SLC25A21: variants seen among roughly 807,000 people sequenced by gnomAD.
The protein encoded by SLC25A21 is mitochondrial 2-oxodicarboxylate carrier.
A neutral mutation model predicts 43.8 loss-of-function variants in SLC25A21; 47 were observed. The observed-to-expected ratio is 1.07, with a 90% CI of 0.85 to 1.37. The LOEUF is 1.37. Ranked by LOEUF, SLC25A21 falls within the 40% of genes most tolerant of loss-of-function variation. The pLI is 0.00. For synonymous variants in SLC25A21, 131 were observed against 121.3 expected (o/e 1.08, Z -0.52); for missense variants, 352 against 350.2 (o/e 1.00, Z -0.04).
chr14:37,044,894 T>C (rs1961554480), intron 1 of SLC25A21, among the ~76,000 whole-genome samples: 1 of 152,256 alleles, frequency 6.6e-6, no homozygotes, highest in Admixed American at 6.5e-5. Flanking sequence ...ACAAAATTGC[T>C]CTAGATCAAT....
intron 2 of SLC25A21, among the ~76,000 whole-genome samples, chr14:36,835,702 G>T (rs2138488341): frequency 6.6e-6 from 1 of 152,296 alleles, no homozygotes; most frequent in South Asian, 2.1e-4. Context: ...AATATAACAT[G>T]TTCAGAGAGA....
chr14:36,921,935 A>G (rs1891990187), intron 1 of SLC25A21, among the ~76,000 whole-genome samples: 1 of 151,908 alleles, frequency 6.6e-6, no homozygotes, highest in South Asian at 2.1e-4. Context: ...ACCTGAGGTC[A>G]GGAGTTCGAG....
intron 1 of SLC25A21, among the ~76,000 whole-genome samples, chr14:37,121,692 G>T (rs1351326488): frequency 6.6e-6 from 1 of 152,074 alleles, no homozygotes; most frequent in African/African-American, 2.4e-5. Context: ...GGAGGCTGAG[G>T]CAGGAAAAAT....
chr14:36,779,759 G>T (rs1886984328), intron 3 of SLC25A21, among the ~76,000 whole-genome samples: 2 of 150,908 alleles, frequency 1.3e-5, no homozygotes, highest in Admixed American at 6.6e-5. Context: ...CAATGAACAT[G>T]GAAGTACAGA....
At chr14:36,987,590 C>T (rs946029442) in intron 1 of SLC25A21, among the ~76,000 whole-genome samples, 1 of 152,090 alleles carries the variant, frequency 6.6e-6, no homozygotes, top group African/African-American at 2.4e-5. Context: ...TATTTCCTCA[C>T]CTCATTAAAA....
rs1566931775 is a variant in SLC25A21, at chr14:37,172,529, G to C, written c.-179C>G. On this transcript the variant is annotated 5_prime_UTR_variant, in exon 1 of 10. The change creates a new upstream start codon in the 5' untranslated region. Transcript: ENST00000331299. ...GGTTCGAGGCGCAGATTCGTCGCGC[G>C]ATCTCCGGCGCGTCGGAACCTGTTC... 6.7e-6 allele frequency: 5 copies of C among 742,756 alleles called. No individual in the cohort carries two copies. The highest frequency in any genetic ancestry group is 1.2e-5 in the Non-Finnish European group (5 of 416,584). The allele number at this position is 742,756 out of a possible 1,614,324, so 46.0% of individuals were successfully genotyped here.
At chr14:37,104,959 T>C (rs1206333794) in intron 1 of SLC25A21, among the ~76,000 whole-genome samples, 1 of 152,210 alleles carries the variant, frequency 6.6e-6, no homozygotes, top group Non-Finnish European at 1.5e-5. Context: ...AATATATATA[T>C]TCATGAACAA....
At chr14:37,044,541 AT>A (rs1413040864) in intron 1 of SLC25A21, among the ~76,000 whole-genome samples, 1 of 152,178 alleles carries the variant, frequency 6.6e-6, no homozygotes, top group African/African-American at 2.4e-5. Context: ...TAGGAATAAT[AT>A]CAATATTGAA....
intron 1 of SLC25A21, among the ~76,000 whole-genome samples, chr14:36,964,038 G>T (rs1041327579): frequency 2.6e-5 from 4 of 151,986 alleles, no homozygotes; most frequent in Admixed American, 2.0e-4. Context: ...TAATTTCCCA[G>T]TCTGAATCCA....
chr14:36,708,534 C>T (rs1026574120), intron 7 of SLC25A21, among the ~76,000 whole-genome samples: 4 of 152,106 alleles, frequency 2.6e-5, no homozygotes, highest in Admixed American at 1.3e-4. Context: ...CCCTTCCAGG[C>T]TCAAGCAATC....
At chr14:36,913,590 A>T (rs929732513) in intron 1 of SLC25A21, among the ~76,000 whole-genome samples, 1 of 152,216 alleles carries the variant, frequency 6.6e-6, no homozygotes, top group Non-Finnish European at 1.5e-5. Flanking sequence ...TGGAAGGATA[A>T]GAACGAGTTG....
At chr14:36,924,214 G>C (rs548089708) in intron 1 of SLC25A21, among the ~76,000 whole-genome samples, 1 of 152,228 alleles carries the variant, frequency 6.6e-6, no homozygotes, top group Admixed American at 6.5e-5. Flanking sequence ...CTGCTATAAA[G>C]ACACATGCAC....
intron 2 of SLC25A21, among the ~76,000 whole-genome samples, chr14:36,858,736 A>G (rs1243014189): frequency 2.6e-5 from 4 of 152,048 alleles, no homozygotes; most frequent in African/African-American, 9.7e-5. Flanking sequence ...ACTACCCAAA[A>G]ACACTCTTAA....
At chr14:36,868,455 G>T (rs1450518547) in intron 2 of SLC25A21, among the ~76,000 whole-genome samples, 1 of 152,138 alleles carries the variant, frequency 6.6e-6, no homozygotes, top group African/African-American at 2.4e-5. Context: ...CTTGTCATGC[G>T]GCTGGCCTCT....
At chr14:36,811,692 C>T (rs1888274160) in intron 3 of SLC25A21, among the ~76,000 whole-genome samples, 1 of 152,082 alleles carries the variant, frequency 6.6e-6, no homozygotes, top group African/African-American at 2.4e-5. Flanking sequence ...AAAAAGGCAG[C>T]ATTTCCAATT....
chr14:37,119,455 G>A lies in SLC25A21; in HGVS notation c.70+52826C>T, dbSNP rs140253339. Reference sequence around the variant, plus strand: ...GCCTATAATCCCAGCTACTCAGGAGGCTGAGGCAGGAGAATTGCTTGAACC... The same window carrying A: ...GCCTATAATCCCAGCTACTCAGGAGACTGAGGCAGGAGAATTGCTTGAACC... On this transcript the variant is annotated intron_variant, in intron 1 of 9. Transcript: ENST00000331299. Among the ~76,000 whole-genome samples the A allele has an allele frequency of 3.1e-3, 469 of 152,236 alleles. 1 individual carries two copies. The highest frequency in any genetic ancestry group is 0.011 in the African/African-American group (437 of 41,522).
chr14:36,787,500 T>C (rs1408443781), intron 3 of SLC25A21, among the ~76,000 whole-genome samples: 1 of 152,188 alleles, frequency 6.6e-6, no homozygotes, highest in Admixed American at 6.5e-5. Context: ...TTAAAAAGGA[T>C]AGCCTTGCTT....
chr14:37,012,190 G>T (rs1357265808), intron 1 of SLC25A21, among the ~76,000 whole-genome samples: 1 of 152,208 alleles, frequency 6.6e-6, no homozygotes, highest in African/African-American at 2.4e-5. Context: ...AAATCCAAAG[G>T]CTACTGTATA....
At chr14:36,984,164 GC>G in intron 1 of SLC25A21, among the ~76,000 whole-genome samples, 1 of 152,206 alleles carries the variant, frequency 6.6e-6, no homozygotes, top group East Asian at 1.9e-4. Flanking sequence ...AACAGTAACA[GC>G]AACGACAACA....
Sources: allele counts gnomAD v4.1 joint callset (sites outside exome capture counted in the v4.1 genomes callset), GRCh38; gene constraint gnomAD v4.1.1; transcripts MANE v1.5; gene names NCBI Gene and HGNC (gene_info 2026-07-23, HGNC 2026-07-21).